NBAS: variants seen among roughly 807,000 people sequenced by gnomAD.
NBAS encodes NAG/BC035112 fusion.
In NBAS, 219 loss-of-function variants were observed where a neutral mutation model predicts 302.5. That is an observed-to-expected ratio of 0.72 (90% CI 0.65 to 0.81). NBAS has a LOEUF of 0.81. NBAS is among the 30% of genes least tolerant of loss of function. NBAS has a pLI of 0.00. For synonymous variants in NBAS, 1,118 were observed against 1,021.6 expected, an observed-to-expected ratio of 1.09 and a Z score of -1.80; for missense variants, 2,932 against 2,841.6, an observed-to-expected ratio of 1.03 and a Z score of -0.72.
chr2:14,989,552 C>T, the NBAS span, among the ~76,000 whole-genome samples: 11 of 151,428 alleles, frequency 7.3e-5, no homozygotes, highest in East Asian at 9.7e-4. Flanking sequence ...AGTGAGACAC[C>T]GTCTCAAAAA....
the NBAS span, among the ~76,000 whole-genome samples, chr2:14,991,935 G>A: frequency 8.5e-5 from 13 of 152,252 alleles, no homozygotes; most frequent in African/African-American, 2.6e-4. Context: ...TACTAAGCAG[G>A]GCATGCCGGT....
At chr2:15,328,339 T>C (rs1237654202) in intron 36 of NBAS, 27 bp from the exon 37 acceptor site, 2 of 1,569,010 alleles carry the variant, frequency 1.3e-6, no homozygotes, top group Non-Finnish European at 8.8e-7. Context: ...TACAGAACAA[T>C]GGATAAAAAG....
intron 44 of NBAS, among the ~76,000 whole-genome samples, chr2:15,260,883 C>G (rs1210916929): frequency 6.6e-6 from 1 of 152,168 alleles, no homozygotes; most frequent in Admixed American, 6.6e-5. Flanking sequence ...CGATATGACC[C>G]CCTACTAAGG....
At chr2:14,977,273 C>T in the NBAS span, among the ~76,000 whole-genome samples, 1 of 151,970 alleles carries the variant, frequency 6.6e-6, no homozygotes, top group African/African-American at 2.4e-5. Flanking sequence ...ACAGACAAGA[C>T]TATGTTTAAG....
intron 44 of NBAS, among the ~76,000 whole-genome samples, chr2:15,251,700 TAGC>T (rs555883067): frequency 2.0e-5 from 3 of 152,210 alleles, no homozygotes; most frequent in Non-Finnish European, 4.4e-5. Context: ...GGTGGGAATG[TAGC>T]AGTCAGGATG....
chr2:15,123,666 C>T, the NBAS span, among the ~76,000 whole-genome samples: 1 of 152,134 alleles, frequency 6.6e-6, no homozygotes, highest in African/African-American at 2.4e-5. Context: ...TGCTCCCACT[C>T]TCACCCTGTG....
At chr2:15,112,814 A>G in the NBAS span, among the ~76,000 whole-genome samples, 2 of 151,698 alleles carry the variant, frequency 1.3e-5, no homozygotes, top group Non-Finnish European at 2.9e-5. Flanking sequence ...CAATAACTCA[A>G]AGAATATCAT....
the NBAS span, among the ~76,000 whole-genome samples, chr2:15,119,333 G>C: frequency 8.1e-6 from 1 of 124,028 alleles, no homozygotes; most frequent in Non-Finnish European, 1.6e-5. Context: ...TTTTGAGACA[G>C]AGTCTTGCAC....
At chr2:14,816,051 A>G in the NBAS span, among the ~76,000 whole-genome samples, 1 of 151,988 alleles carries the variant, frequency 6.6e-6, no homozygotes, top group African/African-American at 2.4e-5. Context: ...CTTCCTCTCT[A>G]CTGCATCCAA....
the NBAS span, among the ~76,000 whole-genome samples, chr2:15,117,945 G>A: frequency 2.0e-5 from 3 of 152,196 alleles, no homozygotes; most frequent in African/African-American, 4.8e-5. Context: ...TGCCATGCAC[G>A]CAGAAAGCCT....
intron 44 of NBAS, among the ~76,000 whole-genome samples, chr2:15,239,672 T>C (rs1667772084): frequency 6.6e-6 from 1 of 151,136 alleles, no homozygotes; most frequent in Non-Finnish European, 1.5e-5. Context: ...TATAAAAATA[T>C]AAGAAATATG....
intron 40 of NBAS, among the ~76,000 whole-genome samples, chr2:15,296,084 C>A (rs1425605215): frequency 6.6e-6 from 1 of 152,174 alleles, no homozygotes; most frequent in Non-Finnish European, 1.5e-5. Context: ...TATAAGCAGA[C>A]TTACACAATC....
chr2:15,422,226 T>C (rs1366703100), intron 23 of NBAS, among the ~76,000 whole-genome samples: 2 of 152,232 alleles, frequency 1.3e-5, no homozygotes, highest in African/African-American at 4.8e-5. Flanking sequence ...TCATACAGTA[T>C]GCAGCCTTTT....
intron 25 of NBAS, among the ~76,000 whole-genome samples, chr2:15,415,052 T>C (rs964671177): frequency 1.3e-5 from 2 of 152,230 alleles, no homozygotes; most frequent in South Asian, 4.1e-4. Flanking sequence ...CTGTTTGTGG[T>C]AGGAGAAAGT....
chr2:15,171,540 GA>G (rs1446595203), intron 51 of NBAS, among the ~76,000 whole-genome samples: 1 of 152,126 alleles, frequency 6.6e-6, no homozygotes, highest in East Asian at 1.9e-4. Flanking sequence ...TAAGTTGTCT[GA>G]TATTACTGAA....
rs745353411 is a variant in NBAS, at chr2:15,451,683, G to A, written c.2339+9518C>T. On this transcript the variant is annotated intron_variant, in intron 21 of 51. Coordinates refer to ENST00000281513, the MANE Select transcript of NBAS (RefSeq NM_015909.4). ...GTTTTCATATCATAAGTTTTACGCT[G>A]TTGTAATAACACAAAAAGTCTCCAC... Among the ~76,000 whole-genome samples the A allele has an allele frequency of 8.5e-5, 13 of 152,206 alleles. No homozygotes were observed. The South Asian group carries it at 1.9e-3, about 22-fold the overall frequency.
chr2:15,416,272 T>C (rs2148460852), intron 24 of NBAS, among the ~76,000 whole-genome samples: 1 of 152,308 alleles, frequency 6.6e-6, no homozygotes, highest in South Asian at 2.1e-4. Context: ...CTCCCTTCTT[T>C]TTCCTCTTCC....
At chr2:15,130,382 A>G in the NBAS span, among the ~76,000 whole-genome samples, 1 of 152,190 alleles carries the variant, frequency 6.6e-6, no homozygotes, top group Non-Finnish European at 1.5e-5. Context: ...GTCAATGAAC[A>G]TTTACCCTCT....
At chr2:14,875,831 A>C in the NBAS span, among the ~76,000 whole-genome samples, 3 of 152,182 alleles carry the variant, frequency 2.0e-5, no homozygotes, top group African/African-American at 7.2e-5. Flanking sequence ...AAGGCAAACT[A>C]CTTTTGTCCT....
Sources: allele counts gnomAD v4.1 joint callset (sites outside exome capture counted in the v4.1 genomes callset), GRCh38; gene constraint gnomAD v4.1.1; transcripts MANE v1.5; gene names NCBI Gene and HGNC (gene_info 2026-07-23, HGNC 2026-07-21).